The following GABRA2 variants were observed in gnomAD, a reference collection of about 807,000 sequenced individuals.
GABRA2 encodes gamma-aminobutyric acid type A receptor subunit alpha2.
A neutral mutation model predicts 48.7 loss-of-function variants in GABRA2; 16 were observed. The ratio of observed to expected loss-of-function variants is 0.33; its 90% CI spans 0.22 to 0.50. The LOEUF is 0.50. Ranked by LOEUF, GABRA2 falls within the 20% of genes least tolerant of loss-of-function variation. The pLI is 0.98. For synonymous variants in GABRA2, 185 were observed against 184.5 expected (o/e 1.00, Z -0.02); for missense variants, 275 against 535.6 (o/e 0.51, Z 4.80).
chr4:46,297,038 T>C (rs540882545), intron 8 of GABRA2, among the ~76,000 whole-genome samples: 36 of 152,282 alleles, frequency 2.4e-4, no homozygotes, highest in Admixed American at 2.4e-3. Context: ...GAAGACTATG[T>C]ATGATCTCAG....
At chr4:46,382,107 G>C (rs1716834537) in intron 3 of GABRA2, among the ~76,000 whole-genome samples, 1 of 151,660 alleles carries the variant, frequency 6.6e-6, no homozygotes, top group African/African-American at 2.4e-5. Flanking sequence ...ACCTCATAGA[G>C]CATACATTCT....
At chr4:46,257,308 A>T (rs975867263) in intron 9 of GABRA2, among the ~76,000 whole-genome samples, 1 of 151,704 alleles carries the variant, frequency 6.6e-6, no homozygotes, top group African/African-American at 2.4e-5. Context: ...GTCAGTTAGC[A>T]GCAGAAGAAG....
chr4:46,297,009 C>T (rs1267013068), intron 8 of GABRA2, among the ~76,000 whole-genome samples: 1 of 151,978 alleles, frequency 6.6e-6, no homozygotes, highest in East Asian at 1.9e-4. Flanking sequence ...TAATTATGAC[C>T]TTATTATTGT....
rs912126242 is a variant in GABRA2, at chr4:46,249,362, A to G, written c.*946T>C. The G allele has an allele frequency of 2.6e-5, 4 of 151,382 alleles. No individual in the cohort carries two copies. Among genetic ancestry groups the G allele is most frequent in the Non-Finnish European group, 4.4e-5 (3 of 67,636 alleles). 9.4% of individuals were successfully genotyped at this position (151,382 alleles called of 1,614,324 possible). A position where few individuals can be genotyped will look rare whatever the true frequency, so the allele number is the denominator to read the frequency against. On this transcript the variant is annotated 3_prime_UTR_variant, in exon 10 of 10. Coordinates refer to ENST00000381620, the MANE Select transcript of GABRA2 (RefSeq NM_000807.4). ...AGTAAACAGGAAAGAGGAGAATCATATAAGTGTTTGTCATAGTGTGGGGCA... is the reference window on the plus strand; with the variant it reads ...AGTAAACAGGAAAGAGGAGAATCATGTAAGTGTTTGTCATAGTGTGGGGCA...
chr4:46,351,361 G>A (rs1735097845), intron 3 of GABRA2, among the ~76,000 whole-genome samples: 1 of 151,956 alleles, frequency 6.6e-6, no homozygotes, highest in African/African-American at 2.4e-5. Flanking sequence ...ATGATTGAAT[G>A]TTCTAAAAGT....
intron 9 of GABRA2, among the ~76,000 whole-genome samples, chr4:46,257,773 T>TA (rs950554179): frequency 1.3e-5 from 2 of 150,374 alleles, no homozygotes; most frequent in South Asian, 2.1e-4. Context: ...TAGAAAGGAG[T>TA]AAAAAAAACT....
intron 3 of GABRA2, among the ~76,000 whole-genome samples, chr4:46,353,374 C>A (rs1217711212): frequency 2.0e-5 from 3 of 152,108 alleles, no homozygotes; most frequent in Non-Finnish European, 4.4e-5. Context: ...AGTCTACTCT[C>A]ACCACTGCAA....
chr4:46,362,493 A>G (rs1713372041), intron 3 of GABRA2, among the ~76,000 whole-genome samples: 1 of 152,224 alleles, frequency 6.6e-6, no homozygotes, highest in African/African-American at 2.4e-5. Flanking sequence ...AGACTAATAC[A>G]AATTATATCT....
rs1459406564 is a variant in GABRA2, at chr4:46,317,011, A to G, written c.256-4295T>C. 5.3e-5 allele frequency among the ~76,000 whole-genome samples: 8 copies of G among 151,888 alleles called. No individual in the cohort carries two copies. The East Asian group carries it at 7.7e-4, about 15-fold the overall frequency. On this transcript the variant is annotated intron_variant, in intron 4 of 9. Transcript: ENST00000381620. ...ATACTTGGTGTAGTAGGTAACCCCA[A>G]CTCTCAGTGAGAGGGCACTACAAAA...
intron 8 of GABRA2, among the ~76,000 whole-genome samples, chr4:46,282,859 A>T (rs1301279500): frequency 6.6e-6 from 1 of 152,222 alleles, no homozygotes; most frequent in Non-Finnish European, 1.5e-5. Flanking sequence ...GTGAGTGTGT[A>T]CACACAAGTT....
In GABRA2 at chr4:46,319,700, T is replaced by G. The variant is rs1028446619; in HGVS notation, c.256-6984A>C. On this transcript the variant is annotated intron_variant, in intron 4 of 9. Coordinates refer to ENST00000381620, the MANE Select transcript of GABRA2 (RefSeq NM_000807.4). ...CATAGCTACTGCACATTCAAAACAT[T>G]GTGGAGGTAAGATGTTTGGGCATTC... 4.6e-5 allele frequency among the ~76,000 whole-genome samples: 7 copies of G among 151,872 alleles called. No individual in the cohort carries two copies. In the South Asian group the frequency reaches 6.2e-4, roughly 13 times the overall value.
chr4:46,253,309 C>CT (rs1715176967), intron 9 of GABRA2, among the ~76,000 whole-genome samples: 1 of 151,316 alleles, frequency 6.6e-6, no homozygotes, highest in African/African-American at 2.4e-5. Flanking sequence ...CTGAAAAACT[C>CT]TAGAGCAGAG....
At chr4:46,326,919 CT>C (rs1398443261) in intron 4 of GABRA2, among the ~76,000 whole-genome samples, 1 of 151,934 alleles carries the variant, frequency 6.6e-6, no homozygotes, top group Non-Finnish European at 1.5e-5. Flanking sequence ...AATAGTACCA[CT>C]TTTCACCCAA....
chr4:46,350,777 A>G lies in GABRA2; in HGVS notation c.188-18095T>C, dbSNP rs191415603. 2.1e-3 allele frequency among the ~76,000 whole-genome samples: 326 copies of G among 152,112 alleles called. 2 individuals carry two copies. The highest frequency in any genetic ancestry group is 7.7e-3 in the African/African-American group (318 of 41,532). On this transcript the variant is annotated intron_variant, in intron 3 of 9. Transcript: ENST00000381620. ...TTGAGTGCCTATTATACTATTTAAT[A>G]TACTAAGATAAAAGACAAATAGAAA...
chr4:46,374,933 A>G (rs1216830954), intron 3 of GABRA2, among the ~76,000 whole-genome samples: 7 of 152,104 alleles, frequency 4.6e-5, no homozygotes, highest in Non-Finnish European at 1.0e-4. Flanking sequence ...TATTTATTAA[A>G]TGGATGCTCT....
intron 3 of GABRA2, among the ~76,000 whole-genome samples, chr4:46,376,123 A>T (rs1296697663): frequency 6.6e-6 from 1 of 152,192 alleles, no homozygotes; most frequent in Non-Finnish European, 1.5e-5. Context: ...CCTGCAGAGT[A>T]GAGTGGCTGG....
chr4:46,356,379 C>T (rs1560572025), intron 3 of GABRA2, among the ~76,000 whole-genome samples: 1 of 151,762 alleles, frequency 6.6e-6, no homozygotes, highest in Non-Finnish European at 1.5e-5. Flanking sequence ...TCTCTCCACA[C>T]CCCTGGCCAG....
intron 3 of GABRA2, among the ~76,000 whole-genome samples, chr4:46,348,316 C>A (rs1734508643): frequency 6.6e-6 from 1 of 151,974 alleles, no homozygotes; most frequent in Admixed American, 6.6e-5. Flanking sequence ...AACACTTTTA[C>A]ACTGTTGGTG....
rs566851482 is a variant in GABRA2, at chr4:46,378,256, T to C, written c.187+7818A>G. On this transcript the variant is annotated intron_variant, in intron 3 of 9. Coordinates refer to ENST00000381620, the MANE Select transcript of GABRA2 (RefSeq NM_000807.4). The stretch of plus-strand genomic sequence containing the variant: ...GGAAAAGACTGAGAAATCGGATGGT[T>C]GCCGTGTCTGTGTAGAAAGAGGTAG... Among the ~76,000 whole-genome samples, 26 of 152,334 alleles carry C rather than the reference T, an allele frequency of 1.7e-4. No individual in the cohort carries two copies. The South Asian group carries it at 2.1e-3, about 12-fold the overall frequency.
Sources: gnomAD v4.1 joint callset for allele counts (sites outside exome capture counted in the v4.1 genomes callset) on GRCh38, gnomAD v4.1.1 for gene constraint, MANE v1.5 for transcripts, NCBI Gene and HGNC (gene_info 2026-07-23, HGNC 2026-07-21) for gene names.